QTRT2: variants seen among roughly 807,000 people sequenced by gnomAD.
QTRT2 encodes queuine tRNA-ribosyltransferase domain containing 1.
In QTRT2, 32 loss-of-function variants were observed where a neutral mutation model predicts 44.8. The observed-to-expected ratio is 0.71, with a 90% CI of 0.54 to 0.96. The LOEUF (loss-of-function observed/expected upper bound fraction) is 0.96. QTRT2 is among the 40% of genes least tolerant of loss of function. The probability of loss-of-function intolerance (pLI) is 0.00; values close to 1 mark genes in which losing one functional copy is unlikely to be tolerated. For synonymous variants in QTRT2, 182 were observed against 187.4 expected (o/e 0.97, Z 0.24); for missense variants, 461 against 503.1 (o/e 0.92, Z 0.80).
At chr3:114,070,545 T>C in intron 5 of QTRT2, 81 bp from the exon 6 acceptor site, 1 of 1,223,372 alleles carries the variant, frequency 8.2e-7, no homozygotes. Flanking sequence ...TAAAGAAGAA[T>C]TATTGCTTTA....
chr3:114,057,027 T>C lies in QTRT2; in HGVS notation c.-101T>C. The stretch of plus-strand genomic sequence containing the variant: ...GTCCTGGTGGATTGGTTTCTGTAAG[T>C]TCAGATTCTCATAAATCGTGTGAGC... On this transcript the variant is annotated 5_prime_UTR_variant, in exon 2 of 10. Coordinates refer to ENST00000281273, the MANE Select transcript of QTRT2 (RefSeq NM_024638.4). 7.1e-7 allele frequency: 1 copy of C among 1,409,498 alleles called. No individual in the cohort carries two copies. Among genetic ancestry groups the C allele is most frequent in the Non-Finnish European group, 9.2e-7 (1 of 1,086,728 alleles). The allele number at this position is 1,409,498 out of a possible 1,614,324, so 87.3% of individuals were successfully genotyped here.
At chr3:114,065,053 G>T (rs568431679) in intron 2 of QTRT2, among the ~76,000 whole-genome samples, 184 bp from the exon 3 acceptor site, 16 of 152,132 alleles carry the variant, frequency 1.1e-4, no homozygotes, top group Non-Finnish European at 1.8e-4. Context: ...CCTTAGGGAA[G>T]ATGTCTTATT....
intron 8 of QTRT2, among the ~76,000 whole-genome samples, chr3:114,081,684 T>C (rs930115078): frequency 5.3e-5 from 8 of 152,120 alleles, no homozygotes; most frequent in African/African-American, 1.9e-4. Flanking sequence ...GCGATCCTCC[T>C]GCCTTAGCCT....
rs924037245 is a variant in QTRT2 at position 114,065,093 on chromosome 3, C to A, written c.-21-144C>A. The stretch of plus-strand genomic sequence containing the variant: ...TTATGTCTTTTCCCATTCCCCCGTT[C>A]CTGATATCTATGAAAATATTTAGAC... On this transcript the variant is annotated intron_variant, in intron 2 of 9. Coordinates refer to ENST00000281273, the MANE Select transcript of QTRT2 (RefSeq NM_024638.4). 2.1e-5 allele frequency: 13 copies of A among 613,396 alleles called. No individual in the cohort carries two copies. In the Admixed American group the frequency reaches 2.3e-4, roughly 11 times the overall value. 38.0% of individuals were successfully genotyped at this position (613,396 alleles called of 1,614,324 possible).
chr3:114,057,523 TA>T (rs1441859027), intron 2 of QTRT2: 7 of 152,330 alleles, frequency 4.6e-5, no homozygotes, highest in African/African-American at 1.7e-4. Context: ...AAAATGAAGT[TA>T]GGGAAGCTAT....
intron 3 of QTRT2, 150 bp downstream of exon 3, chr3:114,065,607 T>A: frequency 1.5e-6 from 1 of 667,656 alleles, no homozygotes; most frequent in Non-Finnish European, 2.5e-6. Context: ...ATATTATACA[T>A]CTTCTGGCCC....
intron 7 of QTRT2, chr3:114,077,205 A>T: frequency 2.3e-6 from 1 of 429,184 alleles, no homozygotes; most frequent in Non-Finnish European, 4.3e-6. Flanking sequence ...GAGAGCAAGT[A>T]TTATACTGTT....
intron 6 of QTRT2, among the ~76,000 whole-genome samples, chr3:114,073,204 C>T (rs1268157833): frequency 6.6e-6 from 1 of 152,076 alleles, no homozygotes; most frequent in African/African-American, 2.4e-5. Flanking sequence ...TGTTTTGAGC[C>T]AGTCATTATC....
rs544625434 is a variant in QTRT2, at chr3:114,075,502, T to G, written c.547-1241T>G. On this transcript the variant is annotated intron_variant, in intron 6 of 9. Coordinates refer to ENST00000281273, the MANE Select transcript of QTRT2 (RefSeq NM_024638.4). ...GTATACTTTAGTAGAGAAGTTTTAC[T>G]GATTTTTTTTTTTTTTTTTTTTTTG... 9.5e-5 allele frequency among the ~76,000 whole-genome samples: 14 copies of G among 148,034 alleles called. No homozygotes were observed. In the South Asian group the frequency reaches 2.9e-3, roughly 31 times the overall value.
At chr3:114,078,206 C>T (rs972059016) in intron 7 of QTRT2, 3 of 152,198 alleles carry the variant, frequency 2.0e-5, no homozygotes, top group African/African-American at 7.2e-5. Flanking sequence ...CACTCTGGTG[C>T]ACATAACACT....
Position 114,086,101 on chromosome 3 carries a change from T to C in QTRT2, c.*197T>C. 1.8e-6 allele frequency: 1 copy of C among 553,274 alleles called. No homozygotes were observed. 34.3% of individuals were successfully genotyped at this position (553,274 alleles called of 1,614,324 possible). On this transcript the variant is annotated 3_prime_UTR_variant, in exon 10 of 10. Transcript: ENST00000281273. ...CTCAAAAGACTTAAATGACCTGGAT[T>C]GATCAGAGAGAATTGAACTGTGACC...
chr3:114,057,767 T>G (rs2076821465), intron 2 of QTRT2, among the ~76,000 whole-genome samples: 2 of 152,208 alleles, frequency 1.3e-5, no homozygotes. Context: ...TCCATTTTTG[T>G]AAAAGCAAAC....
intron 7 of QTRT2, 145 bp downstream of exon 7, chr3:114,077,087 G>C: frequency 1.4e-6 from 1 of 718,902 alleles, no homozygotes. Context: ...CTGAGGTGCT[G>C]AGGCAGACTG....
chr3:114,060,472 A>AGG (rs2076865710), intron 2 of QTRT2, among the ~76,000 whole-genome samples: 2 of 146,614 alleles, frequency 1.4e-5, no homozygotes, highest in Admixed American at 6.9e-5. Context: ...CCCCAGATAG[A>AGG]TAGGTAGGTA....
rs769191573 is a variant in QTRT2 at position 114,070,818 on chromosome 3, C to T, written c.526C>T (p.Arg176Trp). The T allele has an allele frequency of 1.1e-5, 18 of 1,613,600 alleles. No individual in the cohort carries two copies. The highest frequency in any genetic ancestry group is 1.0e-4 in the Admixed American group (6 of 59,976). The change falls in exon 6 of 10, where the codon CGG becomes TGG. Residue 176 changes from arginine to tryptophan, a missense_variant. Transcript: ENST00000281273. ...ACTTCTTTTCTTGGATAACTGTCTG[C>T]GGCTGCAGGAAGAGTCAGAGGTAAG... ...RSLLFLDNCL[R>W]LQEESEVLQK... is the part of the protein sequence containing the mutation.
intron 4 of QTRT2, among the ~76,000 whole-genome samples, chr3:114,067,438 G>A (rs1365598215): frequency 6.6e-6 from 1 of 152,078 alleles, no homozygotes; most frequent in Non-Finnish European, 1.5e-5. Flanking sequence ...TTTAAAAAAT[G>A]ATTGTCTTTT....
chr3:114,083,049 CA>C, intron 9 of QTRT2: 1 of 437,160 alleles, frequency 2.3e-6, no homozygotes, highest in Non-Finnish European at 4.3e-6. Flanking sequence ...AAACCAAATC[CA>C]TTGTTTGGCG....
chr3:114,056,885 C>G (rs1367524943), intron 1 of QTRT2, 21 bp downstream of exon 1: 45 of 1,535,428 alleles, frequency 2.9e-5, no homozygotes, highest in Non-Finnish European at 3.8e-5. Flanking sequence ...CTTTGCCCTG[C>G]TGGTGTGGGA....
chr3:114,080,550 G>T (rs2077154188), intron 8 of QTRT2, among the ~76,000 whole-genome samples: 1 of 152,022 alleles, frequency 6.6e-6, no homozygotes, highest in African/African-American at 2.4e-5. Context: ...TTGCTTTGAA[G>T]GACTGCCATT....
Sources: allele counts gnomAD v4.1 joint callset (sites outside exome capture counted in the v4.1 genomes callset), GRCh38; gene constraint gnomAD v4.1.1; transcripts MANE v1.5; gene names NCBI Gene and HGNC (gene_info 2026-07-23, HGNC 2026-07-21).